The following LRRC43 variants were observed in gnomAD, a reference collection of about 807,000 sequenced individuals.
LRRC43 encodes the protein leucine rich repeat containing 43, also known as leucine-rich repeat-containing protein 43.
In LRRC43, 62 loss-of-function variants were observed where a neutral mutation model predicts 64.3. The observed-to-expected ratio is 0.96, with a 90% CI of 0.79 to 1.19. The LOEUF (loss-of-function observed/expected upper bound fraction) is 1.19, where lower values mean the gene tolerates loss of function less well. Ranked by LOEUF, LRRC43 falls within the 50% of genes most tolerant of loss-of-function variation. The pLI, the probability that LRRC43 is intolerant of heterozygous loss-of-function variation, is 0.00. For synonymous variants in LRRC43, 422 were observed against 382.3 expected (o/e 1.10, Z -1.21); for missense variants, 868 against 845.0 (o/e 1.03, Z -0.34).
At chr12:122,187,883 G>A (rs764969849) in intron 4 of LRRC43, 43 bp downstream of exon 4, 16 of 1,607,904 alleles carry the variant, frequency 1.0e-5, no homozygotes, top group Admixed American at 1.7e-5. Context: ...GAGGGATTAA[G>A]TATCAGGTTG....
chr12:122,171,670 A>C (rs980794961), intron 1 of LRRC43, among the ~76,000 whole-genome samples: 2 of 151,892 alleles, frequency 1.3e-5, no homozygotes, highest in Non-Finnish European at 2.9e-5. Flanking sequence ...GGCTGTGGCC[A>C]TCACCATCGC....
chr12:122,173,813 C>T (rs201593085), intron 1 of LRRC43: 85 of 1,597,614 alleles, frequency 5.3e-5, no homozygotes, highest in African/African-American at 2.8e-4. Context: ...TTTAAGAAAT[C>T]GTTTAGAAAA....
At chr12:122,194,773 G>A (rs1317985611) in intron 7 of LRRC43, among the ~76,000 whole-genome samples, 1 of 151,788 alleles carries the variant, frequency 6.6e-6, no homozygotes, top group African/African-American at 2.4e-5. Flanking sequence ...GCCTGGGCTT[G>A]GTGTCATTTT....
Position 122,190,255 on chromosome 12 carries a change from T to A in LRRC43, c.788T>A (p.Val263Glu). 6.2e-7 allele frequency: 1 copy of A among 1,614,166 alleles called. No individual in the cohort carries two copies. The highest frequency in any genetic ancestry group is 1.3e-5 in the African/African-American group (1 of 75,042). ...LVLQGNPLALVPYYRGLTIDS... is the reference protein window; with the variant it reads ...LVLQGNPLALEPYYRGLTIDS... ...CTGCAGGGAAACCCACTGGCCTTGG[T>A]GCCCTACTACCGCGGCCTCACCATC... The change falls in exon 5 of 12, where the codon GTG becomes GAG. Residue 263 changes from valine to glutamate, a missense_variant. By Grantham distance (121) the Val-to-Glu change is moderately radical (BLOSUM62 -2). Transcript: ENST00000339777.
Position 122,183,174 on chromosome 12 carries a change from G to C in LRRC43, c.30G>C (p.Glu10Asp). 1 of 1,556,056 alleles carries C rather than the reference G, an allele frequency of 6.4e-7. No homozygotes were observed. Among genetic ancestry groups the C allele is most frequent in the African/African-American group, 1.4e-5 (1 of 72,490 alleles). The change falls in exon 1 of 12, where the codon GAG becomes GAC. Residue 10 changes from glutamate to aspartate, a missense_variant. Physicochemically the swap from Glu to Asp is conservative, Grantham distance 45 (BLOSUM62 2). Coordinates refer to ENST00000339777, the MANE Select transcript of LRRC43 (RefSeq NM_001098519.2). ...AGGCGTCGTACGAGTCCGAGTCCGA[G>C]TCCGAGTCTGAGGCCGGGCCTGGGA... MEASYESESESESEAGPGTQ... is the reference protein window; with the variant it reads MEASYESESDSESEAGPGTQ...
Position 122,192,435 on chromosome 12 carries a change from C to A in LRRC43, c.1090-310C>A, listed in dbSNP as rs546555208. Among the ~76,000 whole-genome samples, 22 of 152,324 alleles carry A rather than the reference C, an allele frequency of 1.4e-4. No individual in the cohort carries two copies. In the South Asian group the frequency reaches 4.3e-3, roughly 30 times the overall value. On this transcript the variant is annotated intron_variant, in intron 6 of 11. Transcript: ENST00000339777. ...ACAGGCGTGAGCCACCGCGCCTAGC[C>A]CCATTCTGCAATTTCTACAACTCCT... is the stretch of plus-strand genomic sequence containing the variant.
chr12:122,203,341 T>G lies in LRRC43; in HGVS notation c.1870T>G (p.Tyr624Asp), dbSNP rs1240951813. ...AAAGCCGAAAGCCGTGATTCCGATC[T>G]ACGAAGGCGATTACCACCCTGAGCC... The part of the protein sequence containing the change: ...KEKPKAVIPI[Y>D]EGDYHPEPLT... Residue 624 changes from tyrosine to aspartate, a missense_variant, in exon 12 of 12, where the codon TAC becomes GAC. Tyr to Asp is a radical substitution (Grantham distance 160). Transcript: ENST00000339777. 1.9e-6 allele frequency: 3 copies of G among 1,612,984 alleles called. No individual in the cohort carries two copies. The highest frequency in any genetic ancestry group is 1.3e-5 in the African/African-American group (1 of 74,906).
In LRRC43 at chr12:122,200,822, G is replaced by A; in HGVS notation, c.1697G>A (p.Gly566Asp). 1 of 1,613,164 alleles carries A rather than the reference G, an allele frequency of 6.2e-7. No homozygotes were observed. ...RQDPPILQVL[G>D]RGLVILEPLL... ...GACCCCCCCATCCTCCAGGTGCTGG[G>A]CCGGGGCCTGGTGATCCTGGAGCCC... The change falls in exon 10 of 12, where the codon GGC becomes GAC. Residue 566 changes from glycine to aspartate, a missense_variant. Physicochemically the swap from Gly to Asp is moderately conservative, Grantham distance 94. Coordinates refer to ENST00000339777, the MANE Select transcript of LRRC43 (RefSeq NM_001098519.2). The surrounding 1 kb of genome is among the most constrained non-coding windows in gnomAD (Gnocchi z 4.6).
chr12:122,168,441 C>CAAA (rs557937624), intron 1 of LRRC43, among the ~76,000 whole-genome samples: 2 of 120,892 alleles, frequency 1.7e-5, no homozygotes, highest in Non-Finnish European at 3.5e-5. Context: ...AACTCTGTCT[C>CAAA]AAAAAAAAAA....
chr12:122,192,904 A>C lies in LRRC43; in HGVS notation c.1249A>C (p.Ile417Leu), dbSNP rs1428881863. ...GTCAGGAGAGTCGGAGCTGTCTGTC[A>C]TCTCGGGGCCTTCGACCATCTTGCA... Reference protein sequence around the residue: ...EESGESELSVISGPSTILQMP... With the variant: ...EESGESELSVLSGPSTILQMP... Residue 417 changes from isoleucine (I) to leucine (L), a missense_variant, in exon 7 of 12, where the codon ATC becomes CTC. By Grantham distance (5) the Ile-to-Leu change is conservative (BLOSUM62 2). Transcript: ENST00000339777. The C allele has an allele frequency of 6.2e-6, 10 of 1,614,118 alleles. No individual in the cohort carries two copies. The highest frequency in any genetic ancestry group is 8.5e-6 in the Non-Finnish European group (10 of 1,180,024).
At chr12:122,198,334 G>A (rs143929162) in intron 7 of LRRC43, among the ~76,000 whole-genome samples, 3 of 152,116 alleles carry the variant, frequency 2.0e-5, no homozygotes, top group African/African-American at 4.8e-5. Flanking sequence ...CGTATGAGTC[G>A]GTGGTTTTTA....
Position 122,203,366 on chromosome 12 carries a change from C to T in LRRC43, c.1895C>T (p.Pro632Leu). ...TACGAAGGCGATTACCACCCTGAGC[C>T]CCTGACCGTAGAGGTGCAGATCCAG... ...PIYEGDYHPE[P>L]LTVEVQIQLN... The change falls in exon 12 of 12, where the codon CCC (proline) becomes CTC (leucine). Residue 632 changes from proline (P) to leucine (L), a missense_variant. By Grantham distance (98) the Pro-to-Leu change is moderately conservative. Coordinates refer to ENST00000339777, the MANE Select transcript of LRRC43 (RefSeq NM_001098519.2). 1 of 1,613,512 alleles carries T rather than the reference C, an allele frequency of 6.2e-7. No homozygotes were observed. Among genetic ancestry groups the T allele is most frequent in the South Asian group, 1.1e-5 (1 of 91,002 alleles).
At chr12:122,182,744 C>T (rs1452352853), upstream of LRRC43, among the ~76,000 whole-genome samples, 1 of 151,966 alleles carries the variant, frequency 6.6e-6, no homozygotes, top group African/African-American at 2.4e-5. Context: ...GGTGATTAAA[C>T]AGTTATACAG....
At position 122,170,359 on chromosome 12, in the gene LRRC43, C is replaced by T. The variant is rs570842637; in HGVS notation, c.-406+2577C>T. On this transcript the variant is annotated intron_variant, in intron 1 of 5. Transcript: ENST00000537729. ...TAAATGCCTGCTACGGGGCCGGGCACGGTGGCTCACACCTGTAATCCCAGC... is the reference window on the plus strand; with the variant it reads ...TAAATGCCTGCTACGGGGCCGGGCATGGTGGCTCACACCTGTAATCCCAGC... Among the ~76,000 whole-genome samples the T allele has an allele frequency of 5.3e-5, 8 of 152,144 alleles. No individual in the cohort carries two copies. The South Asian group carries it at 6.2e-4, about 12-fold the overall frequency.
At chr12:122,181,272 G>C (rs990611979), upstream of LRRC43, among the ~76,000 whole-genome samples, 1 of 151,854 alleles carries the variant, frequency 6.6e-6, no homozygotes, top group Non-Finnish European at 1.5e-5. Context: ...GGCTGGGCCC[G>C]GTGGCTCATG....
chr12:122,169,577 G>T (rs112702102), intron 1 of LRRC43, among the ~76,000 whole-genome samples: 2 of 151,728 alleles, frequency 1.3e-5, no homozygotes. Flanking sequence ...TTAGCCGGGC[G>T]TGGTGGCGGG....
At chr12:122,197,491 A>C (rs1441507646) in intron 7 of LRRC43, among the ~76,000 whole-genome samples, 1 of 151,810 alleles carries the variant, frequency 6.6e-6, no homozygotes, top group Non-Finnish European at 1.5e-5. Context: ...CCCCTCCTCT[A>C]CATCCTGTTC....
chr12:122,168,135 T>TA (rs1325856142), intron 1 of LRRC43, among the ~76,000 whole-genome samples: 1 of 137,704 alleles, frequency 7.3e-6, no homozygotes, highest in African/African-American at 2.7e-5. Context: ...TTTTAAGTAA[T>TA]TAAAAAAAAA....
At chr12:122,182,460 T>C (rs754712914), upstream of LRRC43, among the ~76,000 whole-genome samples, 1 of 136,718 alleles carries the variant, frequency 7.3e-6, no homozygotes, top group Non-Finnish European at 1.5e-5. Flanking sequence ...AGGCGGAGGT[T>C]GCAGTGAGCC....
Sources: gnomAD v4.1 joint callset for allele counts (sites outside exome capture counted in the v4.1 genomes callset) on GRCh38, gnomAD v4.1.1 for gene constraint, Gnocchi (gnomAD v3.1) non-coding constraint, MANE v1.5 for transcripts, NCBI Gene and HGNC (gene_info 2026-07-23, HGNC 2026-07-21) for gene names.